The following CYFIP1 variants were observed in gnomAD, a reference collection of about 807,000 sequenced individuals.
The protein encoded by CYFIP1 is cytoplasmic FMR1-interacting protein 1.
CYFIP1 carries 58 observed loss-of-function variants against 163.5 expected under a neutral mutation model. The ratio of observed to expected loss-of-function variants is 0.35; its 90% CI spans 0.29 to 0.44. CYFIP1 has a LOEUF of 0.44. Ranked by LOEUF, CYFIP1 falls within the 20% of genes least tolerant of loss-of-function variation. CYFIP1 has a pLI of 1.00. For missense variants in CYFIP1, 1,338 were observed against 1,653.8 expected (o/e 0.81, Z 3.31); for synonymous variants, 663 against 660.7 (o/e 1.00, Z -0.05).
At chr15:22,952,197 A>G (rs1470771424) in intron 1 of CYFIP1, among the ~76,000 whole-genome samples, 2 of 152,138 alleles carry the variant, frequency 1.3e-5, no homozygotes, top group Admixed American at 1.3e-4. Context: ...ACTCAGAGAC[A>G]GAAAGGAGAA....
Position 22,917,067 on chromosome 15 carries a change from G to C in CYFIP1, c.1675-437C>G. The C allele has an allele frequency of 6.7e-7, 1 of 1,499,026 alleles. No individual in the cohort carries two copies. Among genetic ancestry groups the C allele is most frequent in the Non-Finnish European group, 8.9e-7 (1 of 1,125,208 alleles). 92.9% of individuals were successfully genotyped at this position (1,499,026 alleles called of 1,614,324 possible). ...AGACAGGAGGGAGAGGCAGGAGAGAGACGTTAGTCACTCGACACACACACC... is the reference window on the plus strand; with the variant it reads ...AGACAGGAGGGAGAGGCAGGAGAGACACGTTAGTCACTCGACACACACACC... On this transcript the variant is annotated intron_variant, in intron 15 of 30. Coordinates refer to ENST00000617928, the MANE Select transcript of CYFIP1 (RefSeq NM_014608.6). This position sits in a 1 kb window ranked among gnomAD's most constrained non-coding sequence, Gnocchi z 4.2.
chr15:22,909,360 G>A (rs1260432059), intron 20 of CYFIP1, 47 bp from the exon 21 acceptor site: 1 of 1,603,648 alleles, frequency 6.2e-7, no homozygotes, highest in Non-Finnish European at 8.5e-7. Flanking sequence ...GACATGAGCA[G>A]CTCGAAAACA....
At chr15:22,943,113 G>C in intron 6 of CYFIP1, 60 bp downstream of exon 6, 2 of 1,532,450 alleles carry the variant, frequency 1.3e-6, no homozygotes, top group East Asian at 2.3e-5. Flanking sequence ...CTGTGCACAA[G>C]GCAGGCCACT....
chr15:22,917,296 C>G lies in CYFIP1; in HGVS notation c.1674+492G>C. On this transcript the variant is annotated intron_variant, in intron 15 of 30. Coordinates refer to ENST00000617928, the MANE Select transcript of CYFIP1 (RefSeq NM_014608.6). The surrounding 1 kb of genome is among the most constrained non-coding windows in gnomAD (Gnocchi z 4.2). ...GCCCCAGGACGGAGGACAGACGCAG[C>G]GGTGTGGATTAAACCGGGTGTGAAA... The G allele has an allele frequency of 7.4e-7, 1 of 1,350,112 alleles. No individual in the cohort carries two copies. Among genetic ancestry groups the G allele is most frequent in the African/African-American group, 1.5e-5 (1 of 68,168 alleles). 83.6% of individuals were successfully genotyped at this position (1,350,112 alleles called of 1,614,324 possible).
rs2060999616 is a variant in CYFIP1 at position 22,916,768 on chromosome 15, G to A, written c.1675-138C>T. ...GGGCCCCGCACCAGCTCCCCGAGGG[G>A]TCCGGGTGCCTGTCTACGCGGCCAC... On this transcript the variant is annotated intron_variant, in intron 15 of 30. Coordinates refer to ENST00000617928, the MANE Select transcript of CYFIP1 (RefSeq NM_014608.6). The A allele has an allele frequency of 4.4e-6, 7 of 1,603,964 alleles. No individual in the cohort carries two copies. The Admixed American group carries it at 1.2e-4, about 27-fold the overall frequency.
chr15:22,934,100 C>T (rs556632354), intron 9 of CYFIP1, among the ~76,000 whole-genome samples: 6 of 145,314 alleles, frequency 4.1e-5, no homozygotes, highest in Admixed American at 1.4e-4. Context: ...TCTATAAAAA[C>T]TATTCAAATG....
chr15:22,939,661 A>G (rs2061836032), intron 6 of CYFIP1, among the ~76,000 whole-genome samples, 154 bp from the exon 7 acceptor site: 1 of 149,794 alleles, frequency 6.7e-6, no homozygotes, highest in Non-Finnish European at 1.5e-5. Context: ...CTATGATTTC[A>G]GCCTTTTCAG....
At chr15:22,886,228 T>A (rs1306366539) in intron 23 of CYFIP1, among the ~76,000 whole-genome samples, 2 of 152,132 alleles carry the variant, frequency 1.3e-5, no homozygotes. Flanking sequence ...ATGGGGGTTA[T>A]GAGGATTACA....
chr15:22,935,973 T>C (rs2061699005), intron 9 of CYFIP1, among the ~76,000 whole-genome samples: 1 of 152,134 alleles, frequency 6.6e-6, no homozygotes, highest in Admixed American at 6.5e-5. Context: ...GGAGAATACA[T>C]GTATATTAAA....
chr15:22,919,895 G>A (rs975293474), intron 13 of CYFIP1, among the ~76,000 whole-genome samples: 2 of 151,756 alleles, frequency 1.3e-5, no homozygotes, highest in African/African-American at 4.8e-5. Flanking sequence ...GGTGGCATGA[G>A]CCTATAGTCC....
chr15:22,892,631 C>T (rs1470051867), intron 23 of CYFIP1, among the ~76,000 whole-genome samples: 1 of 152,212 alleles, frequency 6.6e-6, no homozygotes, highest in Non-Finnish European at 1.5e-5. Flanking sequence ...CCCAGCCTGA[C>T]ACCTATCACA....
At chr15:22,978,405 A>T (rs2063354422) in intron 1 of CYFIP1, among the ~76,000 whole-genome samples, 2 of 150,398 alleles carry the variant, frequency 1.3e-5, no homozygotes, top group Admixed American at 1.3e-4. Flanking sequence ...GGTTATTTAA[A>T]AGATTGAGGG....
rs550443344 is a variant in CYFIP1 at position 22,868,493 on chromosome 15, T to C, written c.*1535A>G. ...TAAGTTTTACCATAATTTTTCATCC[T>C]ATTCTGTAGTTTCTAAGATAAGCAC... On this transcript the variant is annotated 3_prime_UTR_variant, in exon 31 of 31. Transcript: ENST00000617928. 1 of 152,338 alleles carries C rather than the reference T, an allele frequency of 6.6e-6. No individual in the cohort carries two copies. Among genetic ancestry groups the C allele is most frequent in the South Asian group, 2.1e-4 (1 of 4,828 alleles). The allele number at this position is 152,338 out of a possible 1,614,324, so 9.4% of individuals were successfully genotyped here.
At chr15:22,973,114 C>G (rs888555201) in intron 1 of CYFIP1, among the ~76,000 whole-genome samples, 1 of 151,860 alleles carries the variant, frequency 6.6e-6, no homozygotes, top group African/African-American at 2.4e-5. Flanking sequence ...CCAACCTGGG[C>G]GACAGAGTGA....
intron 23 of CYFIP1, among the ~76,000 whole-genome samples, chr15:22,890,805 C>T (rs10152678): frequency 0.39 from 41,473 of 107,600 alleles, 6,916 homozygotes; most frequent in East Asian, 0.59. Flanking sequence ...CCAACAGCCT[C>T]GAGAACACGA....
chr15:22,870,997 G>A (rs2059418728), intron 30 of CYFIP1, among the ~76,000 whole-genome samples: 1 of 152,186 alleles, frequency 6.6e-6, no homozygotes, highest in Non-Finnish European at 1.5e-5. Context: ...CCTCCTCAGG[G>A]GCAGATGCCA....
intron 17 of CYFIP1, among the ~76,000 whole-genome samples, chr15:22,912,905 A>C (rs1025252206): frequency 6.6e-6 from 1 of 152,026 alleles, no homozygotes; most frequent in African/African-American, 2.4e-5. Context: ...TGTGTGACAG[A>C]GTGAGACCCT....
intron 10 of CYFIP1, among the ~76,000 whole-genome samples, chr15:22,933,436 T>TC: frequency 6.6e-6 from 1 of 151,856 alleles, no homozygotes; most frequent in East Asian, 2.0e-4. Context: ...TACCTCAGCC[T>TC]CCCAAGTAGC....
chr15:22,868,027 G>C lies in CYFIP1; in HGVS notation c.*2001C>G, dbSNP rs983183130. Reference sequence around the variant, plus strand: ...CCTAGGTGATGGGAAGAAAGTGTTCGCCTGTTCCAGCCTGTGGCTCCTGCC... The same window carrying C: ...CCTAGGTGATGGGAAGAAAGTGTTCCCCTGTTCCAGCCTGTGGCTCCTGCC... On this transcript the variant is annotated 3_prime_UTR_variant, in exon 31 of 31. Transcript: ENST00000617928. 6.6e-6 allele frequency: 1 copy of C among 152,204 alleles called. No homozygotes were observed. The highest frequency in any genetic ancestry group is 1.5e-5 in the Non-Finnish European group (1 of 68,038). 9.4% of individuals were successfully genotyped at this position (152,204 alleles called of 1,614,324 possible). A position where few individuals can be genotyped will look rare whatever the true frequency, so the allele number is the denominator to read the frequency against.
Sources: allele counts gnomAD v4.1 joint callset (sites outside exome capture counted in the v4.1 genomes callset), GRCh38; gene constraint gnomAD v4.1.1; non-coding constraint Gnocchi (gnomAD v3.1); transcripts MANE v1.5; gene names NCBI Gene and HGNC (gene_info 2026-07-23, HGNC 2026-07-21).